The following DPP10 variants were observed in gnomAD, a reference collection of about 807,000 sequenced individuals.
The protein encoded by DPP10 is dipeptidyl peptidase like 10.
A neutral mutation model predicts 120.9 loss-of-function variants in DPP10; 33 were observed. That is an observed-to-expected ratio of 0.27 (90% CI 0.21 to 0.37). DPP10 has a LOEUF of 0.37. DPP10 is among the 10% of genes least tolerant of loss of function. The pLI is 1.00. For missense variants in DPP10, 816 were observed against 942.8 expected (o/e 0.87, Z 1.76); for synonymous variants, 337 against 326.1 (o/e 1.03, Z -0.36).
intron 1 of DPP10, among the ~76,000 whole-genome samples, chr2:114,521,983 ATTTTTTTT>A (rs35338330): frequency 1.1e-5 from 1 of 88,992 alleles, no homozygotes; most frequent in Non-Finnish European, 2.1e-5. Context: ...AATTTTTTGT[ATTTTTTTT>A]TTTTTTGAGA....
intron 5 of DPP10, among the ~76,000 whole-genome samples, chr2:115,652,547 G>A (rs1422601169): frequency 6.6e-6 from 1 of 151,484 alleles, no homozygotes; most frequent in Non-Finnish European, 1.5e-5. Context: ...GAAGTTTCAG[G>A]ATCTGTAGTT....
At chr2:115,792,878 A>G (rs1199355274) in intron 19 of DPP10, among the ~76,000 whole-genome samples, 1 of 152,224 alleles carries the variant, frequency 6.6e-6, no homozygotes, top group Non-Finnish European at 1.5e-5. Context: ...ATGACCTTCA[A>G]AATGGAAGAT....
At chr2:114,783,872 C>T (rs543000435) in intron 1 of DPP10, among the ~76,000 whole-genome samples, 4 of 151,992 alleles carry the variant, frequency 2.6e-5, no homozygotes, top group African/African-American at 9.7e-5. Context: ...CCCATCCTAC[C>T]TCTTGCTCTA....
chr2:115,090,412 C>T (rs1248310885), intron 1 of DPP10, among the ~76,000 whole-genome samples: 1 of 152,002 alleles, frequency 6.6e-6, no homozygotes, highest in Non-Finnish European at 1.5e-5. Flanking sequence ...GATGATGCTT[C>T]AAATATTATC....
At chr2:115,813,983 A>C (rs17045061) in intron 19 of DPP10, among the ~76,000 whole-genome samples, 2,778 of 152,278 alleles carry the variant, frequency 0.018, 88 homozygotes, top group African/African-American at 0.061. Context: ...ATGGACCTAG[A>C]TATTCTATGT....
chr2:114,824,300 T>A (rs1686344856), intron 1 of DPP10, among the ~76,000 whole-genome samples: 1 of 152,228 alleles, frequency 6.6e-6, no homozygotes, highest in Non-Finnish European at 1.5e-5. Flanking sequence ...GAGATAATAG[T>A]ATGTGACTGA....
chr2:115,690,027 TTA>T (rs1308567070), intron 7 of DPP10, 106 bp downstream of exon 7: 25 of 1,096,714 alleles, frequency 2.3e-5, no homozygotes, highest in African/African-American at 2.0e-4. Flanking sequence ...CTACAAAACT[TTA>T]TGTTTCCCTA....
chr2:114,637,120 G>A (rs1286206354), intron 1 of DPP10, among the ~76,000 whole-genome samples: 1 of 151,938 alleles, frequency 6.6e-6, no homozygotes, highest in Non-Finnish European at 1.5e-5. Context: ...CAAATGGGAT[G>A]AGATTCTAAT....
chr2:115,148,798 C>T (rs2051372484), intron 1 of DPP10, among the ~76,000 whole-genome samples: 1 of 152,158 alleles, frequency 6.6e-6, no homozygotes. Flanking sequence ...TGAAATCTTG[C>T]TAGCCATCCA....
intron 1 of DPP10, among the ~76,000 whole-genome samples, chr2:114,965,982 A>AAAAAAG (rs1328526176): frequency 4.8e-5 from 7 of 146,886 alleles, no homozygotes; most frequent in African/African-American, 1.5e-4. Flanking sequence ...AAAAAAAAAA[A>AAAAAAG]AAAAAGAAAA....
intron 2 of DPP10, among the ~76,000 whole-genome samples, chr2:115,310,863 C>T (rs985208516): frequency 6.6e-5 from 10 of 152,140 alleles, no homozygotes; most frequent in African/African-American, 2.4e-4. Context: ...GTCATAATCC[C>T]TGTGTATTTC....
At chr2:115,786,574 A>G (rs530521728) in intron 17 of DPP10, among the ~76,000 whole-genome samples, 85 of 152,306 alleles carry the variant, frequency 5.6e-4, no homozygotes, top group African/African-American at 2.0e-3. Flanking sequence ...CAGACATTCA[A>G]CAATAGCCAG....
At chr2:114,985,045 A>G (rs1202417904) in intron 1 of DPP10, among the ~76,000 whole-genome samples, 2 of 152,246 alleles carry the variant, frequency 1.3e-5, no homozygotes, top group Admixed American at 1.3e-4. Flanking sequence ...ATTCCCATAT[A>G]TGTTAGAAGA....
intron 1 of DPP10, among the ~76,000 whole-genome samples, chr2:114,649,716 G>A (rs1696430700): frequency 6.6e-6 from 1 of 152,138 alleles, no homozygotes; most frequent in Non-Finnish European, 1.5e-5. Flanking sequence ...AAACTGTCTA[G>A]AATTCAGTTT....
At chr2:115,326,889 TAAAG>T (rs1456365320) in intron 2 of DPP10, among the ~76,000 whole-genome samples, 3 of 151,982 alleles carry the variant, frequency 2.0e-5, no homozygotes, top group African/African-American at 7.2e-5. Context: ...AATCTACTAC[TAAAG>T]AAAGAAAATT....
intron 1 of DPP10, among the ~76,000 whole-genome samples, chr2:115,097,394 TATTG>T (rs765293708): frequency 2.0e-5 from 3 of 152,168 alleles, no homozygotes; most frequent in Non-Finnish European, 4.4e-5. Flanking sequence ...AGATTAGAAA[TATTG>T]ATTATCATTT....
At chr2:115,227,158 A>G (rs2057475117) in intron 1 of DPP10, among the ~76,000 whole-genome samples, 1 of 152,166 alleles carries the variant, frequency 6.6e-6, no homozygotes, top group Non-Finnish European at 1.5e-5. Flanking sequence ...TTGATTTTAA[A>G]TTGTTGCTTA....
chr2:115,564,952 G>A (rs1263912753), intron 5 of DPP10, among the ~76,000 whole-genome samples: 1 of 152,058 alleles, frequency 6.6e-6, no homozygotes, highest in Non-Finnish European at 1.5e-5. Flanking sequence ...AATGCTAAAG[G>A]CATTTTCCCT....
chr2:115,344,082 G>A (rs1459926385), intron 3 of DPP10, among the ~76,000 whole-genome samples, 170 bp downstream of exon 3: 1 of 144,286 alleles, frequency 6.9e-6, no homozygotes, highest in Non-Finnish European at 1.5e-5. Flanking sequence ...GTCGCAGTGA[G>A]CCGAGATCGC....
Sources: gnomAD v4.1 joint callset for allele counts (sites outside exome capture counted in the v4.1 genomes callset) on GRCh38, gnomAD v4.1.1 for gene constraint, MANE v1.5 for transcripts, NCBI Gene and HGNC (gene_info 2026-07-23, HGNC 2026-07-21) for gene names.